The following CAMKMT variants were observed in gnomAD, a reference collection of about 807,000 sequenced individuals.
CAMKMT encodes CaM KMT.
A neutral mutation model predicts 48.0 loss-of-function variants in CAMKMT; 53 were observed. The ratio of observed to expected loss-of-function variants is 1.10; its 90% confidence interval spans 0.89 to 1.39. CAMKMT has a LOEUF of 1.39. Among genes scored for constraint, CAMKMT ranks in the 40% most tolerant of loss-of-function variants. The probability of loss-of-function intolerance (pLI) is 0.00; values close to 1 mark genes in which losing one functional copy is unlikely to be tolerated. For missense variants in CAMKMT, 428 were observed against 402.7 expected (o/e 1.06, Z -0.54); for synonymous variants, 165 against 152.3 (o/e 1.08, Z -0.61).
At chr2:44,514,125 C>A (rs1285039181) in intron 3 of CAMKMT, among the ~76,000 whole-genome samples, 2 of 150,664 alleles carry the variant, frequency 1.3e-5, no homozygotes, top group Admixed American at 1.3e-4. Context: ...AAAGAAAATC[C>A]TTCAGTGCTT....
chr2:44,621,483 C>T (rs1406930252), intron 3 of CAMKMT, among the ~76,000 whole-genome samples: 2 of 152,090 alleles, frequency 1.3e-5, no homozygotes, highest in Non-Finnish European at 2.9e-5. Flanking sequence ...GACATTTGAA[C>T]TGAGATCTAA....
chr2:44,394,370 A>G (rs183822064), intron 3 of CAMKMT, among the ~76,000 whole-genome samples: 1 of 151,780 alleles, frequency 6.6e-6, no homozygotes, highest in African/African-American at 2.4e-5. Context: ...TCTGCCATAT[A>G]TACTTGTACA....
chr2:44,505,197 A>T (rs1283118202), intron 3 of CAMKMT, among the ~76,000 whole-genome samples: 1 of 152,216 alleles, frequency 6.6e-6, no homozygotes, highest in Non-Finnish European at 1.5e-5. Context: ...TGGAGGGGTC[A>T]AACAAACCAT....
At chr2:44,515,074 T>C (rs769421650) in intron 3 of CAMKMT, among the ~76,000 whole-genome samples, 2 of 152,234 alleles carry the variant, frequency 1.3e-5, no homozygotes, top group Non-Finnish European at 2.9e-5. Context: ...TTAATCTCTA[T>C]GTTTTAACTC....
intron 7 of CAMKMT, among the ~76,000 whole-genome samples, chr2:44,727,392 G>A (rs561471891): frequency 1.3e-5 from 2 of 152,212 alleles, no homozygotes; most frequent in East Asian, 3.9e-4. Flanking sequence ...ATTTAAGTGG[G>A]ATTGTGTTCC....
In CAMKMT at chr2:44,591,180, G is replaced by A. The variant is rs1670240931; in HGVS notation, c.377-113103G>A. On this transcript the variant is annotated intron_variant, in intron 3 of 10. Transcript: ENST00000378494. ...AGCCTTGTAGTATAGTTTGAAGTCA[G>A]GTAGTGTGATGCCTCCAGCTTTGTT... Among the ~76,000 whole-genome samples, 6 of 150,144 alleles carry A rather than the reference G, an allele frequency of 4.0e-5. No individual in the cohort carries two copies. In the South Asian group the frequency reaches 1.3e-3, roughly 32 times the overall value.
At chr2:44,375,532 A>C (rs1679600306) in intron 2 of CAMKMT, among the ~76,000 whole-genome samples, 1 of 152,168 alleles carries the variant, frequency 6.6e-6, no homozygotes, top group Non-Finnish European at 1.5e-5. Flanking sequence ...AATGAGTGGA[A>C]TACTCACACT....
intron 7 of CAMKMT, chr2:44,723,813 T>C (rs1678625265): frequency 6.6e-6 from 1 of 152,154 alleles, no homozygotes; most frequent in African/African-American, 2.4e-5. Flanking sequence ...ACAGGTCTTC[T>C]GAGGTAAACA....
At chr2:44,456,961 A>G (rs1042022569) in intron 3 of CAMKMT, 1 of 183,310 alleles carries the variant, frequency 5.5e-6, no homozygotes, top group African/African-American at 2.4e-5. Context: ...TAAGCCAGTT[A>G]TTGCATTAGG....
chr2:44,626,995 G>T (rs1162068274), intron 3 of CAMKMT, among the ~76,000 whole-genome samples: 2 of 152,256 alleles, frequency 1.3e-5, no homozygotes, highest in East Asian at 3.9e-4. Flanking sequence ...TAATTAAGAA[G>T]TTAAGTATAG....
chr2:44,521,292 T>C (rs905572262), intron 3 of CAMKMT, among the ~76,000 whole-genome samples: 10 of 152,198 alleles, frequency 6.6e-5, no homozygotes, highest in African/African-American at 2.4e-4. Context: ...AATATTTTTT[T>C]TTTAATAGAC....
chr2:44,454,001 A>G (rs1366081045), intron 3 of CAMKMT, among the ~76,000 whole-genome samples: 1 of 152,102 alleles, frequency 6.6e-6, no homozygotes, highest in Non-Finnish European at 1.5e-5. Flanking sequence ...TACCATTGAG[A>G]GAGAGAAGGA....
At chr2:44,680,150 C>G (rs1001961270) in intron 3 of CAMKMT, among the ~76,000 whole-genome samples, 1 of 152,132 alleles carries the variant, frequency 6.6e-6, no homozygotes, top group Admixed American at 6.5e-5. Context: ...AAGTGACGGA[C>G]TTCAAATAGA....
At chr2:44,607,320 G>A (rs1572906455) in intron 3 of CAMKMT, among the ~76,000 whole-genome samples, 1 of 152,164 alleles carries the variant, frequency 6.6e-6, no homozygotes, top group South Asian at 2.1e-4. Flanking sequence ...GGAAATGGTA[G>A]AGAAATCTCT....
chr2:44,454,781 C>G (rs994423145), intron 3 of CAMKMT, among the ~76,000 whole-genome samples: 3 of 152,078 alleles, frequency 2.0e-5, no homozygotes, highest in Admixed American at 2.0e-4. Context: ...CTACTGTACT[C>G]TTTAGAATTG....
At chr2:44,584,803 C>G (rs1282652668) in intron 3 of CAMKMT, among the ~76,000 whole-genome samples, 1 of 151,894 alleles carries the variant, frequency 6.6e-6, no homozygotes, top group East Asian at 1.9e-4. Context: ...ACCTGTAATC[C>G]CAGCACTTTG....
At chr2:44,483,270 TC>T (rs766823625) in intron 3 of CAMKMT, among the ~76,000 whole-genome samples, 3 of 152,192 alleles carry the variant, frequency 2.0e-5, no homozygotes, top group Non-Finnish European at 4.4e-5. Flanking sequence ...CTCATTTTTT[TC>T]TTCTGTGCTT....
intron 3 of CAMKMT, among the ~76,000 whole-genome samples, chr2:44,692,995 A>G (rs996798169): frequency 7.9e-5 from 12 of 152,186 alleles, no homozygotes; most frequent in African/African-American, 2.9e-4. Context: ...AACCTAAGTC[A>G]TACTTGACAC....
chr2:44,469,602 G>A (rs1668311295), intron 3 of CAMKMT, among the ~76,000 whole-genome samples: 1 of 151,542 alleles, frequency 6.6e-6, no homozygotes, highest in Non-Finnish European at 1.5e-5. Context: ...GTTTATAATT[G>A]CTTTCTTAAT....
Sources: allele counts gnomAD v4.1 joint callset (sites outside exome capture counted in the v4.1 genomes callset), GRCh38; gene constraint gnomAD v4.1.1; transcripts MANE v1.5; gene names NCBI Gene and HGNC (gene_info 2026-07-23, HGNC 2026-07-21).